IKZF1: variants seen among roughly 807,000 people sequenced by gnomAD.
IKZF1 encodes IKAROS family zinc finger 1.
Under a neutral mutation model 51.7 loss-of-function variants are expected in IKZF1, and 10 were observed. The ratio of observed to expected loss-of-function variants is 0.19; its 90% CI spans 0.12 to 0.33. The LOEUF is 0.33. Ranked by LOEUF, IKZF1 falls within the 10% of genes least tolerant of loss-of-function variation. The pLI is 1.00. For synonymous variants in IKZF1, 280 were observed against 282.3 expected (o/e 0.99, Z 0.08); for missense variants, 484 against 707.5 (o/e 0.68, Z 3.58).
intron 3 of IKZF1, among the ~76,000 whole-genome samples, chr7:50,335,940 C>G (rs998431429): frequency 4.4e-4 from 67 of 152,098 alleles, no homozygotes; most frequent in African/African-American, 1.5e-3. Flanking sequence ...CCCCCTCACC[C>G]GATCCTGGCT....
At chr7:50,322,365 A>T (rs1048603649) in intron 2 of IKZF1, among the ~76,000 whole-genome samples, 2 of 152,262 alleles carry the variant, frequency 1.3e-5, no homozygotes, top group Non-Finnish European at 2.9e-5. Context: ...TGTATGCGAA[A>T]TGCTAGATAA....
chr7:50,404,916 C>T lies in IKZF1; in HGVS notation c.*4289C>T, dbSNP rs1403989773. On this transcript the variant is annotated 3_prime_UTR_variant, in exon 8 of 8. Coordinates refer to ENST00000331340, the MANE Select transcript of IKZF1 (RefSeq NM_006060.6). ...CCTGCCTGCATTGCACTTCTCTTCC[C>T]GAGGAGTGGGGTAAATTTAAAAGTC... 9.3e-6 allele frequency: 2 copies of T among 215,402 alleles called. No homozygotes were observed. Among genetic ancestry groups the T allele is most frequent in the African/African-American group, 2.3e-5 (1 of 44,280 alleles). 13.3% of individuals were successfully genotyped at this position (215,402 alleles called of 1,614,324 possible). A position where few individuals can be genotyped will look rare whatever the true frequency, so the allele number is the denominator to read the frequency against.
intron 3 of IKZF1, among the ~76,000 whole-genome samples, chr7:50,342,232 T>A (rs893650748): frequency 2.5e-4 from 38 of 152,370 alleles, no homozygotes; most frequent in African/African-American, 8.7e-4. Flanking sequence ...AGTACAGGTC[T>A]TGTACTTGTA....
chr7:50,332,258 T>C (rs921018845), intron 3 of IKZF1, among the ~76,000 whole-genome samples: 3 of 152,226 alleles, frequency 2.0e-5, no homozygotes, highest in African/African-American at 4.8e-5. Context: ...AAAAACTTAG[T>C]TATTTTCTTC....
intron 3 of IKZF1, among the ~76,000 whole-genome samples, chr7:50,358,153 G>T (rs1469883321): frequency 6.6e-6 from 1 of 152,174 alleles, no homozygotes; most frequent in African/African-American, 2.4e-5. Context: ...GTCGTTTCCA[G>T]ATATTTCCTG....
At chr7:50,349,426 TAGGACGTGTATTATGTACCTATAAGA>T (rs1801251018) in intron 3 of IKZF1, among the ~76,000 whole-genome samples, 1 of 152,176 alleles carries the variant, frequency 6.6e-6, no homozygotes, top group Admixed American at 6.5e-5. Context: ...TTTTAGAAGA[TAGGACGTGTATTATGTACCTATAAGA>T]ATGGGTAGGA....
intron 5 of IKZF1, among the ~76,000 whole-genome samples, chr7:50,383,257 C>T (rs963701129): frequency 6.6e-6 from 1 of 152,162 alleles, no homozygotes; most frequent in Non-Finnish European, 1.5e-5. Context: ...CAGTCTGGGG[C>T]TGTTACCAGA....
chr7:50,337,312 T>TA lies in IKZF1; in HGVS notation c.160+9559dup, dbSNP rs1215924523. Reference sequence around the variant, plus strand: ...TGGGAGCTAGCAGAATAGAAAGGATTAAAATCTAACTAGCAGCCCCAGGGT... The same window carrying TA: ...TGGGAGCTAGCAGAATAGAAAGGATTAAAAATCTAACTAGCAGCCCCAGGGT... On this transcript the variant is annotated intron_variant, in intron 3 of 7. Coordinates refer to ENST00000331340, the MANE Select transcript of IKZF1 (RefSeq NM_006060.6). Among the ~76,000 whole-genome samples the TA allele has an allele frequency of 2.0e-5, 3 of 152,194 alleles. No homozygotes were observed. In the East Asian group the frequency reaches 5.8e-4, roughly 29 times the overall value.
chr7:50,311,872 TA>T (rs552568161), intron 1 of IKZF1, among the ~76,000 whole-genome samples: 151 of 151,360 alleles, frequency 1.0e-3, no homozygotes, highest in Non-Finnish European at 1.9e-3. Flanking sequence ...TCTCTCTTTT[TA>T]AAAAAAAATG....
chr7:50,311,117 T>C (rs1174893533), intron 1 of IKZF1, among the ~76,000 whole-genome samples: 1 of 152,170 alleles, frequency 6.6e-6, no homozygotes, highest in Non-Finnish European at 1.5e-5. Context: ...CAGAATTCAG[T>C]CCCTTGGGGA....
intron 3 of IKZF1, among the ~76,000 whole-genome samples, chr7:50,366,425 C>T (rs1249232650): frequency 6.6e-6 from 1 of 152,160 alleles, no homozygotes; most frequent in Admixed American, 6.5e-5. Context: ...AAATTCCAGA[C>T]GCATTGCATT....
intron 1 of IKZF1, among the ~76,000 whole-genome samples, chr7:50,310,848 T>C (rs1483223053): frequency 6.6e-6 from 1 of 152,224 alleles, no homozygotes; most frequent in African/African-American, 2.4e-5. Context: ...GATGCTTCTA[T>C]TCTTCCCTTT....
chr7:50,385,133 G>A (rs1584941863), intron 5 of IKZF1, among the ~76,000 whole-genome samples: 2 of 152,290 alleles, frequency 1.3e-5, no homozygotes, highest in East Asian at 1.9e-4. Flanking sequence ...CTGGATCCAC[G>A]GATGAGCAAG....
intron 2 of IKZF1, among the ~76,000 whole-genome samples, chr7:50,325,740 A>C (rs1584492324): frequency 1.3e-5 from 2 of 151,766 alleles, no homozygotes; most frequent in East Asian, 1.9e-4. Context: ...GCGCCACTGC[A>C]CTCCAGCCTG....
chr7:50,334,583 T>C (rs1165818676), intron 3 of IKZF1, among the ~76,000 whole-genome samples: 10 of 151,450 alleles, frequency 6.6e-5, no homozygotes, highest in Admixed American at 3.3e-4. Context: ...ATGTGTGTGG[T>C]GTGTGTATAT....
At chr7:50,319,685 C>G (rs1235520800) in intron 2 of IKZF1, among the ~76,000 whole-genome samples, 5 of 152,186 alleles carry the variant, frequency 3.3e-5, no homozygotes, top group Non-Finnish European at 1.5e-5. Context: ...CCGCACAGTT[C>G]CCCAGTGCAT....
Position 50,376,998 on chromosome 7 carries a change from C to G in IKZF1, c.421+205C>G. On this transcript the variant is annotated intron_variant, in intron 4 of 7. Transcript: ENST00000331340. This position sits in a 1 kb window ranked among gnomAD's most constrained non-coding sequence, Gnocchi z 4.5. The stretch of plus-strand genomic sequence containing the variant: ...TTGTAAAGGACTTCTCAACACGTAC[C>G]AATTCCACCCTATAAATAAAACAAG... 1.3e-6 allele frequency: 1 copy of G among 762,842 alleles called. No individual in the cohort carries two copies. Among genetic ancestry groups the G allele is most frequent in the Non-Finnish European group, 2.0e-6 (1 of 490,724 alleles). 47.3% of individuals were successfully genotyped at this position (762,842 alleles called of 1,614,324 possible).
chr7:50,400,159 G>A lies in IKZF1; in HGVS notation c.1092G>A (p.Ser364=), dbSNP rs1280201992. 6.4e-7 allele frequency: 1 copy of A among 1,563,078 alleles called. No homozygotes were observed. Among genetic ancestry groups the A allele is most frequent in the Non-Finnish European group, 8.7e-7 (1 of 1,155,446 alleles). Residue 364 remains serine, a synonymous_variant, in exon 8 of 8, where the codon TCG becomes TCA. Transcript: ENST00000331340. This position sits in a 1 kb window ranked among gnomAD's most constrained non-coding sequence, Gnocchi z 5.4. ...LAEGTPRSNH[S]AQDSAVENLL... ...AGGGCACCCCGCGCTCCAACCACTCGGCCCAGGACAGCGCCGTGGAGAACC... is the reference window on the plus strand; with the variant it reads ...AGGGCACCCCGCGCTCCAACCACTCAGCCCAGGACAGCGCCGTGGAGAACC...
At chr7:50,394,444 G>A (rs1002698800) in intron 7 of IKZF1, 1 of 233,048 alleles carries the variant, frequency 4.3e-6, no homozygotes. Flanking sequence ...GAATACAGCT[G>A]TTATCACACA....
Sources: allele counts gnomAD v4.1 joint callset (sites outside exome capture counted in the v4.1 genomes callset), GRCh38; gene constraint gnomAD v4.1.1; non-coding constraint Gnocchi (gnomAD v3.1); transcripts MANE v1.5; gene names NCBI Gene and HGNC (gene_info 2026-07-23, HGNC 2026-07-21).